Variants in CHCHD3 observed in about 807,000 individuals in gnomAD.
CHCHD3 encodes the protein MICOS complex subunit MIC19.
Under a neutral mutation model 38.2 loss-of-function variants are expected in CHCHD3, and 20 were observed. The observed-to-expected ratio is 0.52, with a 90% CI of 0.37 to 0.76. The LOEUF (loss-of-function observed/expected upper bound fraction) is 0.76, where lower values mean the gene tolerates loss of function less well. CHCHD3 is among the 30% of genes least tolerant of loss of function. The pLI is 0.00. For missense variants in CHCHD3, 245 were observed against 279.2 expected, an observed-to-expected ratio of 0.88 and a Z score of 0.87; for synonymous variants, 82 against 100.0, an observed-to-expected ratio of 0.82 and a Z score of 1.07.
chr7:132,872,081 G>C (rs185685459), intron 5 of CHCHD3, among the ~76,000 whole-genome samples: 33 of 152,318 alleles, frequency 2.2e-4, no homozygotes, highest in Middle Eastern at 6.8e-3. Context: ...AGTACGGCTG[G>C]CTTGAGGGTA....
At chr7:133,003,138 A>G (rs1242381548) in intron 3 of CHCHD3, among the ~76,000 whole-genome samples, 1 of 152,216 alleles carries the variant, frequency 6.6e-6, no homozygotes, top group African/African-American at 2.4e-5. Flanking sequence ...ATATATAATT[A>G]ATCAAGATGA....
At chr7:133,006,476 T>TAAAC (rs1442461239) in intron 3 of CHCHD3, among the ~76,000 whole-genome samples, 2 of 120,448 alleles carry the variant, frequency 1.7e-5, no homozygotes, top group Non-Finnish European at 3.6e-5. Flanking sequence ...CATAAATAAA[T>TAAAC]AAATAAATAA....
chr7:132,835,222 TCCA>T (rs1807749609), intron 6 of CHCHD3, among the ~76,000 whole-genome samples: 1 of 150,974 alleles, frequency 6.6e-6, no homozygotes, highest in Admixed American at 6.6e-5. Flanking sequence ...GGTCAAGCAA[TCCA>T]CCCGCCTCGG....
chr7:133,034,953 T>C, intron 2 of CHCHD3: 1 of 1,601,146 alleles, frequency 6.2e-7, no homozygotes, highest in Non-Finnish European at 8.5e-7. Context: ...ATACTCTGAG[T>C]ACCACAGGGA....
At chr7:132,833,694 A>G (rs1045207744) in intron 6 of CHCHD3, among the ~76,000 whole-genome samples, 1 of 152,222 alleles carries the variant, frequency 6.6e-6, no homozygotes, top group African/African-American at 2.4e-5. Flanking sequence ...TAATTCTCAA[A>G]GTATTTTACT....
In CHCHD3 at chr7:133,035,446, A is replaced by G. The variant is rs752671114; in HGVS notation, c.170-10819T>C. The G allele has an allele frequency of 1.2e-5, 20 of 1,613,370 alleles. No individual in the cohort carries two copies. The highest frequency in any genetic ancestry group is 2.2e-5 in the East Asian group (1 of 44,882). On this transcript the variant is annotated intron_variant, in intron 2 of 7. Coordinates refer to ENST00000262570, the MANE Select transcript of CHCHD3 (RefSeq NM_017812.4). This position sits in a 1 kb window ranked among gnomAD's most constrained non-coding sequence, Gnocchi z 4.7. ...GTGCAGACAACTGTGATGTCAGCCA[A>G]TGTCACTCGTTCGCCCACCAGAAAA...
At chr7:132,929,465 A>G (rs1810466370) in intron 4 of CHCHD3, among the ~76,000 whole-genome samples, 1 of 152,084 alleles carries the variant, frequency 6.6e-6, no homozygotes, top group Non-Finnish European at 1.5e-5. Flanking sequence ...TTCTCTCCAC[A>G]TACTATTTCT....
rs187091570 is a variant in CHCHD3 at position 133,039,015 on chromosome 7, G to A, written c.170-14388C>T. Among the ~76,000 whole-genome samples, 23 of 152,294 alleles carry A rather than the reference G, an allele frequency of 1.5e-4. No individual in the cohort carries two copies. The East Asian group carries it at 2.1e-3, about 14-fold the overall frequency. On this transcript the variant is annotated intron_variant, in intron 2 of 7. Transcript: ENST00000262570. Reference sequence around the variant, plus strand: ...TTTGGATTTACACATGGTGGGAAACGCATATAAAGTTTAGCTTTGCCTCCT... The same window carrying A: ...TTTGGATTTACACATGGTGGGAAACACATATAAAGTTTAGCTTTGCCTCCT...
At chr7:133,022,589 G>A (rs1813218411) in intron 3 of CHCHD3, 1 of 421,824 alleles carries the variant, frequency 2.4e-6, no homozygotes, top group East Asian at 7.1e-5. Context: ...TTTGACAGCT[G>A]AAGTTTTCAT....
intron 4 of CHCHD3, among the ~76,000 whole-genome samples, chr7:132,972,371 C>A (rs1396131345): frequency 6.6e-6 from 1 of 151,992 alleles, no homozygotes. Flanking sequence ...GGAGAAATAC[C>A]GTTATACACA....
chr7:132,794,856 C>G (rs1304380836), intron 7 of CHCHD3, among the ~76,000 whole-genome samples: 1 of 152,238 alleles, frequency 6.6e-6, no homozygotes, highest in Admixed American at 6.5e-5. Flanking sequence ...TGAGAAAACT[C>G]AAGCCCCAAG....
intron 4 of CHCHD3, among the ~76,000 whole-genome samples, chr7:132,967,370 G>A (rs1197805520): frequency 6.6e-6 from 1 of 152,026 alleles, no homozygotes; most frequent in Admixed American, 6.6e-5. Flanking sequence ...GACTGGATAG[G>A]CCCCCAGAGT....
intron 5 of CHCHD3, among the ~76,000 whole-genome samples, chr7:132,866,374 T>C (rs6467448): frequency 0.22 from 33,145 of 152,142 alleles, 3,870 homozygotes; most frequent in South Asian, 0.26. Flanking sequence ...GTCTAAAACA[T>C]GAGGATAACA....
intron 5 of CHCHD3, among the ~76,000 whole-genome samples, chr7:132,839,985 AT>A (rs1807898323): frequency 6.6e-6 from 1 of 152,258 alleles, no homozygotes; most frequent in Non-Finnish European, 1.5e-5. Flanking sequence ...ACAAAGGTGC[AT>A]TTCTGACATG....
intron 6 of CHCHD3, among the ~76,000 whole-genome samples, chr7:132,835,432 G>A (rs56202559): frequency 0.22 from 32,774 of 152,066 alleles, 4,360 homozygotes; most frequent in East Asian, 0.4. Context: ...TATTTAATAG[G>A]TAAGACAGAA....
intron 1 of CHCHD3, among the ~76,000 whole-genome samples, chr7:133,077,098 T>C (rs1815013669): frequency 6.6e-6 from 1 of 152,134 alleles, no homozygotes; most frequent in South Asian, 2.1e-4. Flanking sequence ...ATATATATGT[T>C]GATAGATATA....
At chr7:132,962,502 C>T (rs1311166739) in intron 4 of CHCHD3, among the ~76,000 whole-genome samples, 1 of 152,128 alleles carries the variant, frequency 6.6e-6, no homozygotes, top group Non-Finnish European at 1.5e-5. Flanking sequence ...ACGGGAAGGG[C>T]AGAGGGACAG....
chr7:132,790,756 G>A (rs2087290029), intron 7 of CHCHD3, among the ~76,000 whole-genome samples: 1 of 152,158 alleles, frequency 6.6e-6, no homozygotes, highest in African/African-American at 2.4e-5. Context: ...ACATCGGGGG[G>A]ACCCTGATGT....
intron 5 of CHCHD3, among the ~76,000 whole-genome samples, chr7:132,856,846 C>T (rs1808352168): frequency 6.6e-6 from 1 of 152,220 alleles, no homozygotes; most frequent in Admixed American, 6.5e-5. Flanking sequence ...GCATTCATTG[C>T]ATTGGCAAAC....
Sources: allele counts gnomAD v4.1 joint callset (sites outside exome capture counted in the v4.1 genomes callset), GRCh38; gene constraint gnomAD v4.1.1; non-coding constraint Gnocchi (gnomAD v3.1); transcripts MANE v1.5; gene names NCBI Gene and HGNC (gene_info 2026-07-23, HGNC 2026-07-21).